ADCY2: variants seen among roughly 807,000 people sequenced by gnomAD.
The protein encoded by ADCY2 is adenylate cyclase 2, also known as adenylate cyclase type 2.
ADCY2 carries 31 observed loss-of-function variants against 125.2 expected under a neutral mutation model. That is an observed-to-expected ratio of 0.25 (90% CI 0.19 to 0.33). The LOEUF is 0.33. Among genes scored for constraint, ADCY2 ranks in the 10% least tolerant of loss-of-function variants. The pLI is 1.00. For missense variants in ADCY2, 904 were observed against 1,418.2 expected (o/e 0.64, Z 5.82); for synonymous variants, 512 against 548.4 (o/e 0.93, Z 0.93).
intron 6 of ADCY2, among the ~76,000 whole-genome samples, chr5:7,697,147 C>G (rs1331812698): frequency 6.6e-6 from 1 of 151,980 alleles, no homozygotes; most frequent in East Asian, 1.9e-4. Context: ...GTTCTACCTC[C>G]TCTTAACTAA....
intron 3 of ADCY2, among the ~76,000 whole-genome samples, chr5:7,589,458 A>AAAAAGAAAGAAAGAAAG (rs1554022170): frequency 1.4e-5 from 1 of 72,932 alleles, no homozygotes; most frequent in Non-Finnish European, 2.8e-5. Flanking sequence ...GAAGGAAAGA[A>AAAAAGAAAGAAAGAAAG]AAAGAAAGAA....
At chr5:7,667,368 G>A (rs1299973217) in intron 4 of ADCY2, among the ~76,000 whole-genome samples, 2 of 152,114 alleles carry the variant, frequency 1.3e-5, no homozygotes, top group African/African-American at 2.4e-5. Flanking sequence ...AAAGTTTCAG[G>A]CTAAAGAGAC....
chr5:7,728,425 A>G (rs1266505482), intron 14 of ADCY2, among the ~76,000 whole-genome samples: 1 of 152,216 alleles, frequency 6.6e-6, no homozygotes, highest in Non-Finnish European at 1.5e-5. Flanking sequence ...AGGGGTTTCC[A>G]GTAGACTTCT....
rs537848502 is a variant in ADCY2 at position 7,473,269 on chromosome 5, C to A, written c.409-47469C>A. On this transcript the variant is annotated intron_variant, in intron 2 of 24. Coordinates refer to ENST00000338316, the MANE Select transcript of ADCY2 (RefSeq NM_020546.3). The stretch of plus-strand genomic sequence containing the variant: ...CTGGATGCACAAGAAGCATGGCACC[C>A]ACATCTTCTGGTGGGGGCCTCCAGC... 7.2e-5 allele frequency among the ~76,000 whole-genome samples: 11 copies of A among 152,242 alleles called. No homozygotes were observed. The South Asian group carries it at 1.9e-3, about 26-fold the overall frequency.
chr5:7,477,324 C>T (rs1454484113), intron 2 of ADCY2, among the ~76,000 whole-genome samples: 1 of 152,076 alleles, frequency 6.6e-6, no homozygotes, highest in Non-Finnish European at 1.5e-5. Context: ...TCTCATATGC[C>T]CTCACTATGT....
intron 3 of ADCY2, among the ~76,000 whole-genome samples, chr5:7,618,572 C>G (rs1427799542): frequency 6.6e-6 from 1 of 152,166 alleles, no homozygotes; most frequent in Non-Finnish European, 1.5e-5. Context: ...TTAAATAAAA[C>G]TAAATACCTG....
At chr5:7,647,658 G>A (rs1250136883) in intron 4 of ADCY2, among the ~76,000 whole-genome samples, 1 of 152,184 alleles carries the variant, frequency 6.6e-6, no homozygotes, top group African/African-American at 2.4e-5. Flanking sequence ...GGCAACTAGA[G>A]GAAGATCAAG....
chr5:7,549,774 C>T (rs918123653), intron 3 of ADCY2, among the ~76,000 whole-genome samples: 8 of 152,256 alleles, frequency 5.3e-5, no homozygotes, highest in East Asian at 3.9e-4. Flanking sequence ...TGCAGTCCCC[C>T]GACAAGAGGC....
intron 23 of ADCY2, 55 bp from the exon 24 acceptor site, chr5:7,820,510 A>G: frequency 1.3e-6 from 2 of 1,599,588 alleles, no homozygotes; most frequent in Non-Finnish European, 1.7e-6. Context: ...TAAAAAAAAT[A>G]AAAAGACAAT....
At chr5:7,789,314 T>A (rs1253477160) in intron 19 of ADCY2, among the ~76,000 whole-genome samples, 1 of 152,248 alleles carries the variant, frequency 6.6e-6, no homozygotes, top group African/African-American at 2.4e-5. Context: ...TCATTTATAT[T>A]CTACAATTGC....
chr5:7,670,124 G>A (rs1227314967), intron 4 of ADCY2, among the ~76,000 whole-genome samples: 1 of 152,138 alleles, frequency 6.6e-6, no homozygotes, highest in African/African-American at 2.4e-5. Flanking sequence ...TCATTGCCCA[G>A]TATATGAAAA....
intron 2 of ADCY2, among the ~76,000 whole-genome samples, chr5:7,476,385 C>G (rs1742526475): frequency 6.6e-6 from 1 of 152,144 alleles, no homozygotes; most frequent in South Asian, 2.1e-4. Flanking sequence ...GCCAGTGAGA[C>G]AGGAGGAAAA....
At chr5:7,809,695 C>T (rs559709227) in intron 22 of ADCY2, among the ~76,000 whole-genome samples, 1 of 152,282 alleles carries the variant, frequency 6.6e-6, no homozygotes, top group Admixed American at 6.5e-5. Flanking sequence ...TTTGCAGTAA[C>T]AACATACTTA....
chr5:7,814,821 T>A (rs1331704648), intron 22 of ADCY2, among the ~76,000 whole-genome samples: 1 of 152,212 alleles, frequency 6.6e-6, no homozygotes, highest in Non-Finnish European at 1.5e-5. Flanking sequence ...CCTTTCTTCA[T>A]CTCTGATTTA....
At chr5:7,573,894 A>G (rs538719054) in intron 3 of ADCY2, among the ~76,000 whole-genome samples, 56 of 115,140 alleles carry the variant, frequency 4.9e-4, no homozygotes, top group Admixed American at 1.2e-3. Flanking sequence ...ATATCTCCCA[A>G]TGCTATCCCT....
At chr5:7,508,710 G>C (rs73737709) in intron 2 of ADCY2, among the ~76,000 whole-genome samples, 1 of 152,176 alleles carries the variant, frequency 6.6e-6, no homozygotes. Flanking sequence ...TTCCATGGCC[G>C]GGTGAGGAAG....
chr5:7,825,169 C>T (rs549202263), intron 24 of ADCY2, among the ~76,000 whole-genome samples: 7 of 150,844 alleles, frequency 4.6e-5, no homozygotes, highest in Admixed American at 6.6e-5. Context: ...GCCACGACAA[C>T]GCTGCTGTGC....
intron 4 of ADCY2, chr5:7,654,079 C>T (rs1016108791): frequency 6.6e-6 from 3 of 456,082 alleles, no homozygotes; most frequent in Non-Finnish European, 1.3e-5. Flanking sequence ...TAGCATTTAC[C>T]ACCCTGAGGC....
chr5:7,497,553 G>A (rs971803212), intron 2 of ADCY2, among the ~76,000 whole-genome samples: 4 of 152,172 alleles, frequency 2.6e-5, no homozygotes, highest in African/African-American at 9.6e-5. Context: ...CAAAAAAATT[G>A]CATCAATAAG....
Sources: allele counts gnomAD v4.1 joint callset (sites outside exome capture counted in the v4.1 genomes callset), GRCh38; gene constraint gnomAD v4.1.1; transcripts MANE v1.5; gene names NCBI Gene and HGNC (gene_info 2026-07-23, HGNC 2026-07-21).